NUMB: variants seen among roughly 807,000 people sequenced by gnomAD.
NUMB encodes the protein NUMB endocytic adaptor protein, also known as protein numb homolog.
Under a neutral mutation model 59.7 loss-of-function variants are expected in NUMB, and 29 were observed. The ratio of observed to expected loss-of-function variants is 0.49; its 90% CI spans 0.36 to 0.66. NUMB has a LOEUF of 0.66. NUMB is among the 30% of genes least tolerant of loss of function. The pLI is 0.00. For missense variants in NUMB, 723 were observed against 822.0 expected, an observed-to-expected ratio of 0.88 and a Z score of 1.47; for synonymous variants, 288 against 288.2, an observed-to-expected ratio of 1.00 and a Z score of 0.01.
chr14:73,435,872 T>A (rs900946135), intron 1 of NUMB, among the ~76,000 whole-genome samples: 1 of 151,582 alleles, frequency 6.6e-6, no homozygotes, highest in Non-Finnish European at 1.5e-5. Flanking sequence ...CAGGGCATGG[T>A]AGTGCACGCC....
At chr14:73,285,241 G>A (rs1200193336) in intron 9 of NUMB, 1 of 152,168 alleles carries the variant, frequency 6.6e-6, no homozygotes, top group Non-Finnish European at 1.5e-5. Flanking sequence ...GTAAATGTAA[G>A]ACTGTGGGTA....
intron 2 of NUMB, among the ~76,000 whole-genome samples, chr14:73,367,324 T>C (rs377552354): frequency 0.072 from 6,189 of 85,760 alleles, 435 homozygotes; most frequent in African/African-American, 0.27. Context: ...CACACACACA[T>C]ATATACATAT....
intron 1 of NUMB, among the ~76,000 whole-genome samples, chr14:73,413,695 T>C (rs1364712313): frequency 6.6e-6 from 1 of 150,942 alleles, no homozygotes; most frequent in East Asian, 2.0e-4. Flanking sequence ...GAGGTGGAGG[T>C]TGCAGTGAGC....
At chr14:73,305,635 G>GA (rs1430973609) in intron 6 of NUMB, among the ~76,000 whole-genome samples, 1 of 152,192 alleles carries the variant, frequency 6.6e-6, no homozygotes, top group Non-Finnish European at 1.5e-5. Context: ...AAGACACATG[G>GA]AAACATCATT....
rs930543153 is a variant in NUMB at position 73,345,365 on chromosome 14, C to T, written c.126+10261G>A. On this transcript the variant is annotated intron_variant, in intron 4 of 12. Coordinates refer to ENST00000555238, the MANE Select transcript of NUMB (RefSeq NM_001005743.2). The stretch of plus-strand genomic sequence containing the variant: ...CTACTTGAGGTGGGAGGGTGATGGT[C>T]GAAAAACTACCTATCAGGTACCATG... 5.3e-5 allele frequency among the ~76,000 whole-genome samples: 8 copies of T among 152,074 alleles called. 1 individual carries two copies. The highest frequency in any genetic ancestry group is 1.7e-4 in the African/African-American group (7 of 41,492).
intron 4 of NUMB, among the ~76,000 whole-genome samples, chr14:73,342,716 C>G (rs1305223438): frequency 1.3e-5 from 2 of 152,182 alleles, no homozygotes; most frequent in African/African-American, 2.4e-5. Flanking sequence ...GTTTATTGTG[C>G]ACTCATCACG....
intron 3 of NUMB, among the ~76,000 whole-genome samples, chr14:73,357,622 G>GC (rs1324242752): frequency 6.6e-6 from 1 of 151,664 alleles, no homozygotes; most frequent in Non-Finnish European, 1.5e-5. Context: ...AATTAGTTGG[G>GC]CGTGGTGGCA....
At chr14:73,285,477 C>T (rs180901507) in intron 9 of NUMB, 15 of 152,048 alleles carry the variant, frequency 9.9e-5, no homozygotes, top group Admixed American at 9.2e-4. Context: ...TGATTTTTCC[C>T]CCCTTTGGCT....
intron 3 of NUMB, among the ~76,000 whole-genome samples, chr14:73,360,070 G>A (rs1479582193): frequency 6.6e-6 from 1 of 152,092 alleles, no homozygotes; most frequent in Non-Finnish European, 1.5e-5. Context: ...ATTAGCCACC[G>A]TAATCTTTAA....
At chr14:73,386,293 C>G (rs1258462251) in intron 2 of NUMB, among the ~76,000 whole-genome samples, 2 of 152,152 alleles carry the variant, frequency 1.3e-5, no homozygotes, top group African/African-American at 4.8e-5. Context: ...CAAATTGCAA[C>G]AGATATATAG....
At chr14:73,293,741 C>T (rs1032863045) in intron 7 of NUMB, among the ~76,000 whole-genome samples, 10 of 152,216 alleles carry the variant, frequency 6.6e-5, no homozygotes, top group African/African-American at 2.2e-4. Context: ...TCTATCTCTT[C>T]ATTCAACATG....
chr14:73,447,007 T>C (rs1480092121), intron 1 of NUMB, among the ~76,000 whole-genome samples: 1 of 150,368 alleles, frequency 6.7e-6, no homozygotes, highest in Non-Finnish European at 1.5e-5. Flanking sequence ...GCCAACATAG[T>C]GAAACCCAGT....
rs190236233 is a variant in NUMB at position 73,432,973 on chromosome 14, G to A, written c.-232-22905C>T. Among the ~76,000 whole-genome samples the A allele has an allele frequency of 2.6e-5, 4 of 152,304 alleles. 1 individual carries two copies. The highest frequency in any genetic ancestry group is 6.8e-3 in the Middle Eastern group (2 of 294). On this transcript the variant is annotated intron_variant, in intron 1 of 12. Transcript: ENST00000555238. ...TAATCCCAGCACTTTGGGAGGCTGA[G>A]GCAGGAGGATCACCTGAGGTCAGGA...
At chr14:73,456,132 G>A (rs1318885259) in intron 1 of NUMB, among the ~76,000 whole-genome samples, 1 of 149,000 alleles carries the variant, frequency 6.7e-6, no homozygotes, top group Non-Finnish European at 1.5e-5. Flanking sequence ...TTTTTAAGAT[G>A]GAGTTTCACT....
intron 2 of NUMB, among the ~76,000 whole-genome samples, chr14:73,393,912 T>C (rs1025097105): frequency 3.9e-5 from 6 of 152,206 alleles, no homozygotes; most frequent in East Asian, 1.9e-4. Context: ...TAATCTTAAC[T>C]GTTTAAATTT....
chr14:73,352,461 CACACACACACACACACATATATATAT>C (rs1893379251), intron 4 of NUMB, among the ~76,000 whole-genome samples: 2 of 16,828 alleles, frequency 1.2e-4, no homozygotes, highest in Non-Finnish European at 2.4e-4. Context: ...CACACACATA[CACACACACACACACACATATATATAT>C]ATATATATAT....
chr14:73,445,743 TAAG>T (rs1566801193), intron 1 of NUMB, among the ~76,000 whole-genome samples: 1 of 152,170 alleles, frequency 6.6e-6, no homozygotes, highest in Admixed American at 6.5e-5. Context: ...ATTTTGAAGA[TAAG>T]AAAACCAGCA....
intron 2 of NUMB, among the ~76,000 whole-genome samples, chr14:73,370,619 G>C (rs1894619549): frequency 6.6e-6 from 1 of 152,026 alleles, no homozygotes; most frequent in Non-Finnish European, 1.5e-5. Flanking sequence ...TTGAACCCAG[G>C]AGGCGGAGGT....
At chr14:73,413,853 C>T (rs913156154) in intron 1 of NUMB, among the ~76,000 whole-genome samples, 1 of 150,020 alleles carries the variant, frequency 6.7e-6, no homozygotes, top group African/African-American at 2.5e-5. Context: ...CACAGTGATA[C>T]AGTTCCTGCC....
Sources: gnomAD v4.1 joint callset for allele counts (sites outside exome capture counted in the v4.1 genomes callset) on GRCh38, gnomAD v4.1.1 for gene constraint, MANE v1.5 for transcripts, NCBI Gene and HGNC (gene_info 2026-07-23, HGNC 2026-07-21) for gene names.